Variants in SYT16 observed in about 807,000 individuals in gnomAD.
SYT16 encodes the protein synaptotagmin 16.
SYT16 carries 42 observed loss-of-function variants against 61.4 expected under a neutral mutation model. The ratio of observed to expected loss-of-function variants is 0.68; its 90% CI spans 0.53 to 0.89. The LOEUF is 0.89. SYT16 is among the 40% of genes least tolerant of loss of function. The pLI is 0.00. For missense variants in SYT16, 804 were observed against 807.3 expected, an observed-to-expected ratio of 1.00 and a Z score of 0.05; for synonymous variants, 314 against 302.3, an observed-to-expected ratio of 1.04 and a Z score of -0.40.
At chr14:61,965,236 G>C (rs1321987880) in intron 1 of SYT16, among the ~76,000 whole-genome samples, 1 of 152,104 alleles carries the variant, frequency 6.6e-6, no homozygotes, top group Non-Finnish European at 1.5e-5. Context: ...TATAAGTCTT[G>C]TGTTGCCGCC....
chr14:62,068,979 A>G (rs1468996508), intron 3 of SYT16, among the ~76,000 whole-genome samples: 2 of 152,040 alleles, frequency 1.3e-5, no homozygotes, highest in African/African-American at 4.8e-5. Flanking sequence ...TATTTTTTGT[A>G]GAGACAGGGT....
In SYT16 at chr14:62,076,995, CTG is replaced by C. The variant is rs557879265; in HGVS notation, c.993+1606_993+1607del. ...ACCTCCTATCTATTTTGAGAAAAAA[CTG>C]TAATTTGGTGCTCCTACAGTAGAAC... is the stretch of plus-strand genomic sequence containing the variant. On this transcript the variant is annotated intron_variant, in intron 5 of 7. Transcript: ENST00000683842. 9.8e-5 allele frequency among the ~76,000 whole-genome samples: 15 copies of C among 152,326 alleles called. No individual in the cohort carries two copies. The East Asian group carries it at 2.9e-3, about 29-fold the overall frequency.
intron 3 of SYT16, among the ~76,000 whole-genome samples, chr14:62,047,497 AC>A (rs1196474542): frequency 6.6e-6 from 1 of 152,126 alleles, no homozygotes; most frequent in African/African-American, 2.4e-5. Context: ...CCTGGCCAGA[AC>A]TTCCAACACT....
At chr14:61,822,777 G>A (rs1451944132) in intron 1 of SYT16, among the ~76,000 whole-genome samples, 1 of 152,048 alleles carries the variant, frequency 6.6e-6, no homozygotes, top group Non-Finnish European at 1.5e-5. Context: ...CTCATTTTTG[G>A]AAAAATTAAA....
At chr14:62,045,006 C>G (rs1253906044) in intron 3 of SYT16, among the ~76,000 whole-genome samples, 1 of 152,096 alleles carries the variant, frequency 6.6e-6, no homozygotes, top group Non-Finnish European at 1.5e-5. Flanking sequence ...GGCGTGGTGG[C>G]ACGCACCTGT....
At chr14:62,044,490 C>T (rs911940646) in intron 3 of SYT16, among the ~76,000 whole-genome samples, 7 of 152,148 alleles carry the variant, frequency 4.6e-5, no homozygotes, top group African/African-American at 1.7e-4. Context: ...TGTGATGTTC[C>T]CCTCCCTCTG....
In SYT16 at chr14:62,042,348, C is replaced by T. The variant is rs368746625; in HGVS notation, c.524-27255C>T. Among the ~76,000 whole-genome samples, 297 of 152,156 alleles carry T rather than the reference C, an allele frequency of 2.0e-3. 1 individual carries two copies. The highest frequency in any genetic ancestry group is 6.9e-3 in the African/African-American group (286 of 41,498). On this transcript the variant is annotated intron_variant, in intron 3 of 7. Transcript: ENST00000683842. ...TCACACATTGTGAATTTTACCTTTG[C>T]GTGCAAGATATATATAAATATTTTT... is the stretch of plus-strand genomic sequence containing the variant.
intron 3 of SYT16, among the ~76,000 whole-genome samples, chr14:62,002,718 G>T (rs548136855): frequency 6.6e-6 from 1 of 152,026 alleles, no homozygotes; most frequent in African/African-American, 2.4e-5. Context: ...TCACCTTAAC[G>T]TGTCTTTACC....
intron 1 of SYT16, among the ~76,000 whole-genome samples, chr14:61,902,817 C>G (rs1315689358): frequency 1.3e-5 from 2 of 152,152 alleles, no homozygotes; most frequent in Non-Finnish European, 2.9e-5. Flanking sequence ...AGAATGAGAG[C>G]CAAGTGCAAT....
In SYT16 at chr14:61,900,812, C is replaced by T. The variant is rs537170424; in HGVS notation, c.-324-69320C>T. The stretch of plus-strand genomic sequence containing the variant: ...CTTGGCTTGGACTATGTACCCACCA[C>T]CTGATCAGGGGAAGGCAAGGCCTCT... On this transcript the variant is annotated intron_variant, in intron 1 of 7. Transcript: ENST00000683842. Among the ~76,000 whole-genome samples the T allele has an allele frequency of 2.6e-5, 4 of 152,300 alleles. No individual in the cohort carries two copies. In the South Asian group the frequency reaches 8.3e-4, roughly 32 times the overall value.
At chr14:61,865,698 AATTGTTAT>A (rs1210956214) in intron 1 of SYT16, among the ~76,000 whole-genome samples, 1 of 152,214 alleles carries the variant, frequency 6.6e-6, no homozygotes, top group Non-Finnish European at 1.5e-5. Flanking sequence ...GAGTTTTAAA[AATTGTTAT>A]ATATTGGGTG....
At chr14:61,910,544 T>G (rs2048894933) in intron 1 of SYT16, among the ~76,000 whole-genome samples, 1 of 150,632 alleles carries the variant, frequency 6.6e-6, no homozygotes, top group Non-Finnish European at 1.5e-5. Flanking sequence ...TTTTTTTTTT[T>G]TTTTGAGACA....
intron 5 of SYT16, among the ~76,000 whole-genome samples, chr14:62,078,153 C>CTATATATATATATATA (rs1437217028): frequency 9.8e-6 from 1 of 101,718 alleles, no homozygotes; most frequent in African/African-American, 4.8e-5. Flanking sequence ...CTCTCTCTCT[C>CTATATATATATATATA]TCTATATATA....
chr14:62,032,117 A>G (rs1446560428), intron 3 of SYT16, among the ~76,000 whole-genome samples: 2 of 152,142 alleles, frequency 1.3e-5, no homozygotes, highest in Admixed American at 1.3e-4. Context: ...GAATTAAATG[A>G]CCCAGTAAGT....
intron 1 of SYT16, among the ~76,000 whole-genome samples, chr14:61,906,815 A>G (rs1398631880): frequency 6.6e-6 from 1 of 151,500 alleles, no homozygotes; most frequent in Non-Finnish European, 1.5e-5. Flanking sequence ...CCATCCATCC[A>G]TCCATCCATC....
intron 1 of SYT16, among the ~76,000 whole-genome samples, chr14:61,886,475 C>T (rs183110149): frequency 5.9e-5 from 9 of 152,340 alleles, no homozygotes; most frequent in Non-Finnish European, 1.0e-4. Context: ...TTTGTTGTCA[C>T]TTCAGCCGTG....
chr14:62,075,876 T>C (rs766236107), intron 5 of SYT16, among the ~76,000 whole-genome samples: 2 of 152,200 alleles, frequency 1.3e-5, no homozygotes, highest in Non-Finnish European at 2.9e-5. Context: ...CAAGTGAAAT[T>C]ATACAAGGTG....
rs2050950408 is a variant in SYT16 at position 61,957,956 on chromosome 14, ATTCC to A, written c.-324-12172_-324-12169del. Among the ~76,000 whole-genome samples the A allele has an allele frequency of 4.6e-5, 7 of 151,952 alleles. No individual in the cohort carries two copies. The South Asian group carries it at 1.5e-3, about 31-fold the overall frequency. ...CGACTTTGTTGGGAGTTTTTTTATT[ATTCC>A]TTCAATATCCTAATTTGTCATTGGT... On this transcript the variant is annotated intron_variant, in intron 1 of 7. Coordinates refer to ENST00000683842, the MANE Select transcript of SYT16 (RefSeq NM_001367656.1).
chr14:61,865,185 C>G, intron 1 of SYT16: 1 of 1,153,812 alleles, frequency 8.7e-7, no homozygotes, highest in Non-Finnish European at 1.3e-6. Context: ...GATCGTGTTT[C>G]TGTCACTGAC....
Sources: gnomAD v4.1 joint callset for allele counts (sites outside exome capture counted in the v4.1 genomes callset) on GRCh38, gnomAD v4.1.1 for gene constraint, MANE v1.5 for transcripts, NCBI Gene and HGNC (gene_info 2026-07-23, HGNC 2026-07-21) for gene names.